Variants in CSMD3 observed in about 807,000 individuals in gnomAD.
CSMD3 encodes the protein CUB and Sushi multiple domains 3.
CSMD3 carries 177 observed loss-of-function variants against 435.2 expected under a neutral mutation model. That is an observed-to-expected ratio of 0.41 (90% CI 0.36 to 0.46). The LOEUF (loss-of-function observed/expected upper bound fraction) is 0.46, where lower values mean the gene tolerates loss of function less well. Among genes scored for constraint, CSMD3 ranks in the 20% least tolerant of loss-of-function variants. CSMD3 has a pLI of 0.34. For missense variants in CSMD3, 4,265 were observed against 4,504.6 expected (o/e 0.95, Z 1.52); for synonymous variants, 1,656 against 1,520.5 (o/e 1.09, Z -2.07).
chr8:113,367,003 T>C (rs1398529902), intron 1 of CSMD3, among the ~76,000 whole-genome samples: 2 of 151,986 alleles, frequency 1.3e-5, no homozygotes, highest in Non-Finnish European at 2.9e-5. Flanking sequence ...GCTTTCAAAA[T>C]ATGTTGAAAT....
In CSMD3 at chr8:112,797,074, G is replaced by GA. The variant is rs1454971593; in HGVS notation, c.1972+3087dup. Among the ~76,000 whole-genome samples the GA allele has an allele frequency of 2.0e-5, 3 of 151,832 alleles. No individual in the cohort carries two copies. The East Asian group carries it at 5.8e-4, about 29-fold the overall frequency. ...AAATAGACATTTTCCAAACTCCATA[G>GA]AAAAAAGCATTCATAGTTCCACAGA... On this transcript the variant is annotated intron_variant, in intron 13 of 70. Coordinates refer to ENST00000297405, the MANE Select transcript of CSMD3 (RefSeq NM_198123.2).
chr8:113,300,907 A>C (rs1588469711), intron 2 of CSMD3, among the ~76,000 whole-genome samples: 1 of 152,292 alleles, frequency 6.6e-6, no homozygotes, highest in East Asian at 1.9e-4. Context: ...AAATGAGTGA[A>C]AATGAACTAC....
intron 7 of CSMD3, among the ~76,000 whole-genome samples, chr8:112,959,143 T>C (rs1272129577): frequency 6.6e-6 from 1 of 152,092 alleles, no homozygotes; most frequent in Non-Finnish European, 1.5e-5. Context: ...ATGCAGAACA[T>C]TTATCTTTGA....
chr8:113,087,271 G>T (rs2089823979), intron 5 of CSMD3, among the ~76,000 whole-genome samples: 1 of 151,832 alleles, frequency 6.6e-6, no homozygotes, highest in Admixed American at 6.6e-5. Flanking sequence ...TCGTGAAAAT[G>T]GCCATATTGC....
rs1364243337 is a variant in CSMD3, at chr8:112,552,662, A to G, written c.4293T>C (p.Tyr1431=). Residue 1431 remains tyrosine, a synonymous_variant, in exon 26 of 71, where the codon TAT becomes TAC. Coordinates refer to ENST00000297405, the MANE Select transcript of CSMD3 (RefSeq NM_198123.2). ...GCAGGTTATTGTCATATGGAAAAGGATAGCCAGGAGATAAGATTCTTCCTG... is the reference window on the plus strand; with the variant it reads ...GCAGGTTATTGTCATATGGAAAAGGGTAGCCAGGAGATAAGATTCTTCCTG... ...ESSGRILSPG[Y]PFPYDNNLRC... 1.9e-6 allele frequency: 3 copies of G among 1,612,158 alleles called. No homozygotes were observed. The highest frequency in any genetic ancestry group is 1.7e-6 in the Non-Finnish European group (2 of 1,178,698).
intron 6 of CSMD3, among the ~76,000 whole-genome samples, chr8:112,987,008 A>G (rs1388961364): frequency 2.0e-5 from 3 of 152,086 alleles, no homozygotes; most frequent in Admixed American, 6.6e-5. Context: ...ATATATGTAT[A>G]TATCTATAAC....
chr8:112,778,403 G>A (rs1031796463), intron 13 of CSMD3, among the ~76,000 whole-genome samples: 3 of 151,832 alleles, frequency 2.0e-5, no homozygotes, highest in African/African-American at 7.2e-5. Flanking sequence ...GGAAACCACT[G>A]ATAATTTTAT....
intron 51 of CSMD3, among the ~76,000 whole-genome samples, chr8:112,305,795 A>G (rs1821363064): frequency 6.6e-6 from 1 of 152,156 alleles, no homozygotes; most frequent in Non-Finnish European, 1.5e-5. Flanking sequence ...TTTTTGACAT[A>G]AATATTCTGA....
chr8:113,004,844 T>C (rs2085996999), intron 6 of CSMD3, among the ~76,000 whole-genome samples: 1 of 151,348 alleles, frequency 6.6e-6, no homozygotes, highest in Non-Finnish European at 1.5e-5. Flanking sequence ...TAAGAATTTA[T>C]GTAATTTAAT....
chr8:112,922,361 C>CA (rs1328277568), intron 9 of CSMD3, among the ~76,000 whole-genome samples: 1 of 151,842 alleles, frequency 6.6e-6, no homozygotes, highest in East Asian at 1.9e-4. Context: ...CTTTGTGTTA[C>CA]AAAAAATACC....
intron 47 of CSMD3, among the ~76,000 whole-genome samples, chr8:112,316,414 G>T (rs574534598): frequency 8.6e-5 from 13 of 151,718 alleles, no homozygotes; most frequent in Non-Finnish European, 1.6e-4. Flanking sequence ...GATTGGAAAT[G>T]ATATGGAATA....
intron 13 of CSMD3, among the ~76,000 whole-genome samples, chr8:112,699,114 C>T (rs2076325545): frequency 6.6e-6 from 1 of 152,108 alleles, no homozygotes; most frequent in African/African-American, 2.4e-5. Flanking sequence ...GCAGCAGCAA[C>T]CCGCTCGCGT....
rs535247654 is a variant in CSMD3 at position 113,023,089 on chromosome 8, C to CT, written c.918-3911dup. On this transcript the variant is annotated intron_variant, in intron 5 of 70. Transcript: ENST00000297405. Reference sequence around the variant, plus strand: ...TTCATAAAACTATTCTGAGCTTATTCTTTTTTTTCTTTAATGTTAAACCGC... The same window carrying CT: ...TTCATAAAACTATTCTGAGCTTATTCTTTTTTTTTCTTTAATGTTAAACCGC... 6.2e-4 allele frequency among the ~76,000 whole-genome samples: 94 copies of CT among 151,824 alleles called. No individual in the cohort carries two copies. In the South Asian group the frequency reaches 0.019, roughly 31 times the overall value.
intron 2 of CSMD3, among the ~76,000 whole-genome samples, chr8:113,302,017 A>G (rs1282007497): frequency 6.6e-6 from 1 of 151,348 alleles, no homozygotes; most frequent in Non-Finnish European, 1.5e-5. Context: ...ATAATTCAAT[A>G]AATTTATCTG....
chr8:112,462,674 T>C (rs1187393730), intron 32 of CSMD3, among the ~76,000 whole-genome samples: 1 of 132,136 alleles, frequency 7.6e-6, no homozygotes, highest in African/African-American at 2.9e-5. Context: ...AAGATATATA[T>C]GACTATATAT....
At chr8:112,581,516 T>C (rs1830335086) in intron 23 of CSMD3, among the ~76,000 whole-genome samples, 1 of 152,084 alleles carries the variant, frequency 6.6e-6, no homozygotes, top group South Asian at 2.1e-4. Flanking sequence ...TATTCACTTT[T>C]ATTAGATTAG....
chr8:112,545,613 T>A (rs1827120103), intron 27 of CSMD3, among the ~76,000 whole-genome samples: 1 of 152,022 alleles, frequency 6.6e-6, no homozygotes, highest in Non-Finnish European at 1.5e-5. Context: ...GTGTCCTATG[T>A]TCTATCCTTG....
rs961901488 is a variant in CSMD3 at position 113,415,829 on chromosome 8, T to A, written c.178+20848A>T. On this transcript the variant is annotated intron_variant, in intron 1 of 70. Transcript: ENST00000297405. ...TAATTTTAACATATGACATTGAATATGTAGTGAGAATATTAATAATAGTAA... is the reference window on the plus strand; with the variant it reads ...TAATTTTAACATATGACATTGAATAAGTAGTGAGAATATTAATAATAGTAA... Among the ~76,000 whole-genome samples the A allele has an allele frequency of 3.9e-5, 6 of 152,094 alleles. No homozygotes were observed. In the East Asian group the frequency reaches 1.2e-3, roughly 29 times the overall value.
chr8:112,586,748 T>C (rs1830759212), intron 23 of CSMD3, among the ~76,000 whole-genome samples: 1 of 151,296 alleles, frequency 6.6e-6, no homozygotes. Flanking sequence ...TGATGTTTTA[T>C]ATATAATAAT....
Sources: allele counts gnomAD v4.1 joint callset (sites outside exome capture counted in the v4.1 genomes callset), GRCh38; gene constraint gnomAD v4.1.1; transcripts MANE v1.5; gene names NCBI Gene and HGNC (gene_info 2026-07-23, HGNC 2026-07-21).